Variants in PCDHGB4 observed in about 807,000 individuals in gnomAD.
The protein encoded by PCDHGB4 is protocadherin gamma-B4.
A neutral mutation model predicts 60.5 loss-of-function variants in PCDHGB4; 38 were observed. That is an observed-to-expected ratio of 0.63 (90% CI 0.48 to 0.82). The LOEUF is 0.82. PCDHGB4 is among the 40% of genes least tolerant of loss of function. The probability of loss-of-function intolerance (pLI) is 0.00; values close to 1 mark genes in which losing one functional copy is unlikely to be tolerated. For missense variants in PCDHGB4, 1,109 were observed against 1,209.6 expected (o/e 0.92, Z 1.23); for synonymous variants, 456 against 509.7 (o/e 0.89, Z 1.42).
Position 141,489,375 on chromosome 5 carries a change from G to C in PCDHGB4, c.2398-5432G>C. On this transcript the variant is annotated intron_variant, in intron 1 of 3. Coordinates refer to ENST00000519479, the MANE Select transcript of PCDHGB4 (RefSeq NM_003736.4). The surrounding 1 kb of genome is among the most constrained non-coding windows in gnomAD (Gnocchi z 4.5). ...AGGAGTCTGAGCCGGGGACGCTGGT[G>C]GGGAATGTTGCTCAGGATCTGGGCT... 1 of 1,613,826 alleles carries C rather than the reference G, an allele frequency of 6.2e-7. No homozygotes were observed.
intron 1 of PCDHGB4, among the ~76,000 whole-genome samples, chr5:141,438,745 T>C (rs1004731034): frequency 4.7e-5 from 7 of 147,392 alleles, no homozygotes; most frequent in Non-Finnish European, 1.0e-4. Flanking sequence ...CACTGCAACC[T>C]CTGCCTCCTG....
At chr5:141,450,006 CTTTTTT>C (rs1554136305) in intron 1 of PCDHGB4, among the ~76,000 whole-genome samples, 7,115 of 132,964 alleles carry the variant, frequency 0.054, 434 homozygotes, top group African/African-American at 0.14. Flanking sequence ...TGCCATGTCT[CTTTTTT>C]TTTTTTTTTT....
In PCDHGB4 at chr5:141,405,631, C is replaced by T. The variant is rs150331884; in HGVS notation, c.2397+15350C>T. The T allele has an allele frequency of 4.9e-3, 2,596 of 530,826 alleles. 48 individuals carry two copies. The highest frequency in any genetic ancestry group is 0.045 in the African/African-American group (2,348 of 52,012). The allele number at this position is 530,826 out of a possible 1,614,324, so 32.9% of individuals were successfully genotyped here. ...CTGGGACTACAGGCACGTGCCACCA[C>T]GCCCGGCTAATTTTTTGTGTGTTTT... is the stretch of plus-strand genomic sequence containing the variant. On this transcript the variant is annotated intron_variant, in intron 1 of 3. Transcript: ENST00000519479.
chr5:141,433,347 CCTA>C, intron 1 of PCDHGB4: 1 of 626,716 alleles, frequency 1.6e-6, no homozygotes, highest in South Asian at 2.0e-5. Flanking sequence ...GTGCAAGCCA[CCTA>C]CTGTCTGCCT....
chr5:141,399,356 A>G, intron 1 of PCDHGB4: 1 of 1,614,010 alleles, frequency 6.2e-7, no homozygotes, highest in Non-Finnish European at 8.5e-7. Flanking sequence ...GACCGAGAGC[A>G]AACCCCGGAG....
At position 141,490,782 on chromosome 5, in the gene PCDHGB4, ACGGATCTTTGCC is replaced by A; in HGVS notation, c.2398-4023_2398-4012del. 6.2e-7 allele frequency: 1 copy of A among 1,614,054 alleles called. No individual in the cohort carries two copies. Among genetic ancestry groups the A allele is most frequent in the Non-Finnish European group, 8.5e-7 (1 of 1,179,952 alleles). ...TTGTGTATGTCAACCCAGAGGATGGACGGATCTTTGCCCAGCGTACCTTTGACTATGAATTGC... is the reference window on the plus strand; with the variant it reads ...TTGTGTATGTCAACCCAGAGGATGGACAGCGTACCTTTGACTATGAATTGC... On this transcript the variant is annotated intron_variant, in intron 1 of 3. Transcript: ENST00000519479. This position sits in a 1 kb window ranked among gnomAD's most constrained non-coding sequence, Gnocchi z 5.4.
Position 141,491,743 on chromosome 5 carries a change from A to G in PCDHGB4, c.2398-3064A>G, listed in dbSNP as rs752434173. ...GCCCCGGGCGACCCCTGGGGGCGGC[A>G]CTGGAGAAGCCGCCCGTCCTCATAA... On this transcript the variant is annotated intron_variant, in intron 1 of 3. Transcript: ENST00000519479. The surrounding 1 kb of genome is among the most constrained non-coding windows in gnomAD (Gnocchi z 6.9). 5.0e-6 allele frequency: 8 copies of G among 1,595,570 alleles called. No individual in the cohort carries two copies. In the Admixed American group the frequency reaches 1.4e-4, roughly 28 times the overall value.
chr5:141,438,165 G>GA (rs1252266607), intron 1 of PCDHGB4, among the ~76,000 whole-genome samples: 2 of 152,076 alleles, frequency 1.3e-5, no homozygotes, highest in East Asian at 3.8e-4. Flanking sequence ...AAGCTAATTG[G>GA]AAAAAATATT....
chr5:141,435,686 T>C (rs2097774326), intron 1 of PCDHGB4, among the ~76,000 whole-genome samples: 1 of 152,340 alleles, frequency 6.6e-6, no homozygotes, highest in Non-Finnish European at 1.5e-5. Flanking sequence ...GAGAACTTTA[T>C]GCTTATTGTA....
rs1477534800 is a variant in PCDHGB4, at chr5:141,404,988, A to G, written c.2397+14707A>G. The G allele has an allele frequency of 5.0e-6, 8 of 1,613,868 alleles. 1 individual carries two copies. The South Asian group carries it at 7.7e-5, about 16-fold the overall frequency. On this transcript the variant is annotated intron_variant, in intron 1 of 3. Coordinates refer to ENST00000519479, the MANE Select transcript of PCDHGB4 (RefSeq NM_003736.4). ...ATCCTGGCTGACCTGGGCAGTCTTCAGATCCCTGCAGACCTGGAGGCCTCA... is the reference window on the plus strand; with the variant it reads ...ATCCTGGCTGACCTGGGCAGTCTTCGGATCCCTGCAGACCTGGAGGCCTCA...
At chr5:141,469,511 G>T (rs2099203340) in intron 1 of PCDHGB4, among the ~76,000 whole-genome samples, 2 of 152,038 alleles carry the variant, frequency 1.3e-5, no homozygotes, top group South Asian at 2.1e-4. Flanking sequence ...GGAGGTGGAG[G>T]TTGCAGTGAG....
chr5:141,415,055 C>A (rs767474996), intron 1 of PCDHGB4: 1 of 1,613,402 alleles, frequency 6.2e-7, no homozygotes, highest in Non-Finnish European at 8.5e-7. Context: ...GGGGAGCACA[C>A]GGGCGAGGTG....
chr5:141,387,742 C>T lies in PCDHGB4; in HGVS notation c.-143C>T. On this transcript the variant is annotated 5_prime_UTR_variant, in exon 1 of 4. Transcript: ENST00000519479. ...CTCCCCAGCGCCAGCCTTTACACCG[C>T]TTCCTCCTCGGAAAAAGAAGAATTT... 5 of 1,340,938 alleles carry T rather than the reference C, an allele frequency of 3.7e-6. No homozygotes were observed. Among genetic ancestry groups the T allele is most frequent in the Non-Finnish European group, 5.0e-6 (5 of 997,348 alleles). 83.1% of individuals were successfully genotyped at this position (1,340,938 alleles called of 1,614,324 possible). A position where few individuals can be genotyped will look rare whatever the true frequency, so the allele number is the denominator to read the frequency against.
rs186638311 is a variant in PCDHGB4, at chr5:141,492,901, T to C, written c.2398-1906T>C. 3.7e-3 allele frequency among the ~76,000 whole-genome samples: 568 copies of C among 152,326 alleles called. 5 individuals carry two copies. The highest frequency in any genetic ancestry group is 0.011 in the Admixed American group (163 of 15,308). On this transcript the variant is annotated intron_variant, in intron 1 of 3. Coordinates refer to ENST00000519479, the MANE Select transcript of PCDHGB4 (RefSeq NM_003736.4). ...GAGATACAGGCTTTTGGCGCCGTCG[T>C]GATCACAATGTGCCCAGCGATCTAG...
At chr5:141,396,119 A>T (rs1190344282) in intron 1 of PCDHGB4, 1 of 152,250 alleles carries the variant, frequency 6.6e-6, no homozygotes, top group Non-Finnish European at 1.5e-5. Flanking sequence ...CCAATGTTTC[A>T]GGTACACAAG....
intron 1 of PCDHGB4, chr5:141,416,864 G>C (rs2096066198): frequency 6.6e-6 from 1 of 151,862 alleles, no homozygotes; most frequent in Admixed American, 6.6e-5. Flanking sequence ...TTTCAGGTCA[G>C]TCAACATTTG....
chr5:141,394,085 C>T, intron 1 of PCDHGB4: 3 of 1,613,886 alleles, frequency 1.9e-6, no homozygotes, highest in Non-Finnish European at 2.5e-6. Flanking sequence ...CAGTGATGGC[C>T]TCAGATCTAG....
chr5:141,480,380 A>C (rs1192159457), intron 1 of PCDHGB4, among the ~76,000 whole-genome samples: 3 of 151,970 alleles, frequency 2.0e-5, no homozygotes, highest in African/African-American at 4.8e-5. Context: ...GCACCACTAC[A>C]CTTCAACCAT....
chr5:141,430,276 G>C (rs2097271928), intron 1 of PCDHGB4, among the ~76,000 whole-genome samples: 1 of 151,720 alleles, frequency 6.6e-6, no homozygotes, highest in South Asian at 2.1e-4. Context: ...TGTGTTGGGG[G>C]AACAGTAATC....
Sources: gnomAD v4.1 joint callset for allele counts (sites outside exome capture counted in the v4.1 genomes callset) on GRCh38, gnomAD v4.1.1 for gene constraint, Gnocchi (gnomAD v3.1) non-coding constraint, MANE v1.5 for transcripts, NCBI Gene and HGNC (gene_info 2026-07-23, HGNC 2026-07-21) for gene names.